ADGRL3: variants seen among roughly 807,000 people sequenced by gnomAD.
The protein encoded by ADGRL3 is adhesion G protein-coupled receptor L3, also known as calcium-independent alpha-latrotoxin receptor 3.
In ADGRL3, 62 loss-of-function variants were observed where a neutral mutation model predicts 153.5. That is an observed-to-expected ratio of 0.40 (90% CI 0.33 to 0.50). The LOEUF is 0.50. ADGRL3 is among the 20% of genes least tolerant of loss of function. ADGRL3 has a pLI of 0.47. For missense variants in ADGRL3, 1,641 were observed against 1,859.4 expected, an observed-to-expected ratio of 0.88 and a Z score of 2.16; for synonymous variants, 710 against 672.5, an observed-to-expected ratio of 1.06 and a Z score of -0.86.
At chr4:61,581,482 T>A (rs541988016) in intron 4 of ADGRL3, among the ~76,000 whole-genome samples, 21 of 152,158 alleles carry the variant, frequency 1.4e-4, no homozygotes, top group African/African-American at 3.4e-4. Context: ...GAGATAGCTC[T>A]TTTTGAATGA....
chr4:61,538,190 T>C (rs1360888040), intron 4 of ADGRL3, among the ~76,000 whole-genome samples: 1 of 152,070 alleles, frequency 6.6e-6, no homozygotes, highest in Non-Finnish European at 1.5e-5. Context: ...GTCTATAGTG[T>C]TTGTTGTGTA....
At chr4:61,929,059 G>A (rs1262138217) in intron 13 of ADGRL3, among the ~76,000 whole-genome samples, 1 of 152,054 alleles carries the variant, frequency 6.6e-6, no homozygotes, top group African/African-American at 2.4e-5. Flanking sequence ...TGAAATGGGA[G>A]CTTTCTGTGG....
Position 62,044,553 on chromosome 4 carries a change from ATTAGAAATAAT to A in ADGRL3, c.3814+7_3814+17del, listed in dbSNP as rs1259919857. On this transcript the variant is annotated splice_donor_5th_base_variant and intron_variant, in intron 25 of 26. Transcript: ENST00000683033. The stretch of plus-strand genomic sequence containing the variant: ...AGTTCAGCGTCACTCAACAGAGGTA[ATTAGAAATAAT>A]TTTTCATATTTATTACTTTTCTGAT... 6 of 1,538,298 alleles carry A rather than the reference ATTAGAAATAAT, an allele frequency of 3.9e-6. No individual in the cohort carries two copies. In the South Asian group the frequency reaches 7.3e-5, roughly 19 times the overall value.
At chr4:61,402,739 T>A (rs1490473725) in intron 2 of ADGRL3, among the ~76,000 whole-genome samples, 1 of 152,088 alleles carries the variant, frequency 6.6e-6, no homozygotes, top group Non-Finnish European at 1.5e-5. Context: ...GGCTGGCAAC[T>A]GCCAGAAAGT....
rs941567251 is a variant in ADGRL3 at position 61,517,623 on chromosome 4, G to A, written c.259+105G>A. ...AAATGTGTCTTCTTGTAAGTTTACT[G>A]TCTGCATTCACTTTTGTGGCTGATA... On this transcript the variant is annotated intron_variant, in intron 4 of 26. Coordinates refer to ENST00000683033, the MANE Select transcript of ADGRL3 (RefSeq NM_001387552.1). 17 of 651,032 alleles carry A rather than the reference G, an allele frequency of 2.6e-5. No homozygotes were observed. The East Asian group carries it at 3.0e-4, about 11-fold the overall frequency. The allele number at this position is 651,032 out of a possible 1,614,324, so 40.3% of individuals were successfully genotyped here.
At chr4:61,703,750 C>T (rs1205817074) in intron 6 of ADGRL3, among the ~76,000 whole-genome samples, 1 of 152,084 alleles carries the variant, frequency 6.6e-6, no homozygotes, top group Non-Finnish European at 1.5e-5. Context: ...AAAGACCAAA[C>T]TGTGTCATCA....
intron 4 of ADGRL3, among the ~76,000 whole-genome samples, chr4:61,542,647 T>C (rs867054973): frequency 1.3e-5 from 2 of 152,212 alleles, no homozygotes; most frequent in Non-Finnish European, 1.5e-5. Context: ...TTTATAGCAG[T>C]TGCTTATGCA....
intron 21 of ADGRL3, among the ~76,000 whole-genome samples, chr4:62,012,407 A>G (rs2099190933): frequency 6.6e-6 from 1 of 152,180 alleles, no homozygotes; most frequent in Admixed American, 6.5e-5. Context: ...TGTGCTAGGC[A>G]CTGTTCTAAG....
At chr4:61,508,757 C>T (rs113557708) in intron 3 of ADGRL3, among the ~76,000 whole-genome samples, 26 of 152,010 alleles carry the variant, frequency 1.7e-4, no homozygotes, top group African/African-American at 5.3e-4. Flanking sequence ...CAGTGTTTAT[C>T]GTTCTCATCT....
chr4:61,324,058 T>C (rs1233146291), intron 1 of ADGRL3, among the ~76,000 whole-genome samples: 1 of 152,058 alleles, frequency 6.6e-6, no homozygotes, highest in African/African-American at 2.4e-5. Context: ...AAGAGAGAGA[T>C]TGTGCAGAGA....
chr4:61,363,251 C>T (rs1016077770), intron 1 of ADGRL3, among the ~76,000 whole-genome samples: 2 of 152,088 alleles, frequency 1.3e-5, no homozygotes, highest in Admixed American at 6.6e-5. Flanking sequence ...TAGAGATGTC[C>T]TACCTTCCTA....
intron 25 of ADGRL3, among the ~76,000 whole-genome samples, chr4:62,063,110 C>CT (rs1741069880): frequency 6.6e-6 from 1 of 151,614 alleles, no homozygotes. Context: ...TTAATTTTTG[C>CT]TTTTTTGTGT....
chr4:61,268,317 C>T (rs1329628217), intron 1 of ADGRL3, among the ~76,000 whole-genome samples: 1 of 151,608 alleles, frequency 6.6e-6, no homozygotes, highest in Non-Finnish European at 1.5e-5. Context: ...TTTGAAATAA[C>T]TGCAGCAGCT....
At chr4:61,524,188 A>G (rs1427690662) in intron 4 of ADGRL3, among the ~76,000 whole-genome samples, 9 of 152,088 alleles carry the variant, frequency 5.9e-5, no homozygotes, top group Admixed American at 5.9e-4. Context: ...TATCCCAGAT[A>G]CAAAGAGGAA....
intron 2 of ADGRL3, among the ~76,000 whole-genome samples, chr4:61,456,477 CTA>C (rs1173239786): frequency 6.6e-5 from 7 of 105,710 alleles, no homozygotes. Flanking sequence ...ATATCTATAT[CTA>C]TATATATAGA....
intron 2 of ADGRL3, among the ~76,000 whole-genome samples, chr4:61,476,403 T>C (rs975267970): frequency 2.0e-5 from 3 of 151,770 alleles, no homozygotes; most frequent in African/African-American, 7.3e-5. Flanking sequence ...ATTTTTGTAG[T>C]TTTAGAAAAG....
chr4:61,243,471 C>G (rs771956994), intron 1 of ADGRL3, among the ~76,000 whole-genome samples: 7 of 151,996 alleles, frequency 4.6e-5, no homozygotes, highest in Non-Finnish European at 8.8e-5. Flanking sequence ...GCAGCAGCAA[C>G]TGAGCAATGA....
chr4:62,033,269 T>TA (rs1193858176), intron 23 of ADGRL3, among the ~76,000 whole-genome samples: 1 of 151,708 alleles, frequency 6.6e-6, no homozygotes, highest in Non-Finnish European at 1.5e-5. Context: ...TGTTTTTTTT[T>TA]ATCAGATAGG....
Position 61,202,463 on chromosome 4 carries a change from C to G in ADGRL3, c.-240+698C>G, listed in dbSNP as rs2148688697. Reference sequence around the variant, plus strand: ...CGGTTTTGGCTGGAGAAAGCTGCCACTTTCGTGGGTGGCCCGGGCTGCGCT... The same window carrying G: ...CGGTTTTGGCTGGAGAAAGCTGCCAGTTTCGTGGGTGGCCCGGGCTGCGCT... On this transcript the variant is annotated intron_variant, in intron 1 of 26. Coordinates refer to ENST00000683033, the MANE Select transcript of ADGRL3 (RefSeq NM_001387552.1). This position sits in a 1 kb window ranked among gnomAD's most constrained non-coding sequence, Gnocchi z 5.0. Among the ~76,000 whole-genome samples, 1 of 152,274 alleles carries G rather than the reference C, an allele frequency of 6.6e-6. No individual in the cohort carries two copies. The highest frequency in any genetic ancestry group is 3.4e-3 in the Middle Eastern group (1 of 294).
Sources: allele counts gnomAD v4.1 joint callset (sites outside exome capture counted in the v4.1 genomes callset), GRCh38; gene constraint gnomAD v4.1.1; non-coding constraint Gnocchi (gnomAD v3.1); transcripts MANE v1.5; gene names NCBI Gene and HGNC (gene_info 2026-07-23, HGNC 2026-07-21).